Variants in BLTP1 observed in about 807,000 individuals in gnomAD.
The protein encoded by BLTP1 is fragile site-associated protein.
chr4:122,195,714 C>A, the BLTP1 span: 1 of 761,180 alleles, frequency 1.3e-6, no homozygotes, highest in African/African-American at 1.9e-5. Flanking sequence ...CCTTAATATT[C>A]TTAATTTTCT....
chr4:122,155,997 A>G, the BLTP1 span: 1 of 971,970 alleles, frequency 1.0e-6, no homozygotes, highest in African/African-American at 1.8e-5. Context: ...AATGTTTAAT[A>G]AATACTTTTG....
At chr4:122,243,826 T>C in the BLTP1 span, 75 of 1,450,134 alleles carry the variant, frequency 5.2e-5, no homozygotes, top group African/African-American at 1.0e-3. Context: ...GTCTTTTTAA[T>C]ATACAATTTG....
chr4:122,310,752 C>T, the BLTP1 span: 269 of 157,344 alleles, frequency 1.7e-3, 1 homozygote, highest in African/African-American at 6.0e-3. Flanking sequence ...GTTTAAAATA[C>T]CTTCCATATG....
At chr4:122,242,111 A>G in the BLTP1 span, among the ~76,000 whole-genome samples, 1 of 152,158 alleles carries the variant, frequency 6.6e-6, no homozygotes, top group Non-Finnish European at 1.5e-5. Context: ...TGATCCAGCA[A>G]TCCCACTACT....
chr4:122,207,358 T>C, the BLTP1 span: 14 of 1,377,972 alleles, frequency 1.0e-5, no homozygotes, highest in Middle Eastern at 2.6e-4. Context: ...TTTTAACAGA[T>C]ACTAGAAGTT....
chr4:122,271,637 A>G, the BLTP1 span: 2 of 1,612,156 alleles, frequency 1.2e-6, no homozygotes, highest in East Asian at 2.2e-5. Flanking sequence ...GTGCTGGCAG[A>G]ATATGTATAA....
chr4:122,227,002 T>C, the BLTP1 span: 4 of 584,692 alleles, frequency 6.8e-6, no homozygotes, highest in African/African-American at 7.8e-5. Context: ...GTTTTAAGTA[T>C]CTAAAATATG....
the BLTP1 span, chr4:122,347,389 C>T: frequency 5.3e-6 from 7 of 1,324,996 alleles, no homozygotes; most frequent in South Asian, 3.1e-5. Flanking sequence ...AATTGCTGTA[C>T]AGCTGCTAAA....
chr4:122,308,120 AT>A, the BLTP1 span: 4 of 1,613,458 alleles, frequency 2.5e-6, no homozygotes, highest in Non-Finnish European at 2.5e-6. Context: ...CTCACTGTCA[AT>A]GATCTGGGAA....
At chr4:122,187,780 G>A in the BLTP1 span, 3 of 1,201,094 alleles carry the variant, frequency 2.5e-6, no homozygotes, top group Non-Finnish European at 3.4e-6. Flanking sequence ...TAGTCCTAAA[G>A]TGGAATCATT....
At chr4:122,324,292 A>T in the BLTP1 span, 1 of 834,888 alleles carries the variant, frequency 1.2e-6, no homozygotes, top group Non-Finnish European at 1.7e-6. Flanking sequence ...CTCTATTTTG[A>T]CTCATATTGT....
the BLTP1 span, chr4:122,219,146 C>G: frequency 2.3e-5 from 23 of 984,838 alleles, no homozygotes; most frequent in East Asian, 2.5e-3. Flanking sequence ...TTTTTTGCTA[C>G]TGAATATTTG....
chr4:122,210,822 C>T, the BLTP1 span: 7 of 1,561,462 alleles, frequency 4.5e-6, no homozygotes, highest in African/African-American at 9.7e-5. Context: ...CCTTGAAGAT[C>T]TTCCAAGAAG....
chr4:122,202,935 G>A, the BLTP1 span, among the ~76,000 whole-genome samples: 1 of 151,658 alleles, frequency 6.6e-6, no homozygotes, highest in Admixed American at 6.6e-5. Flanking sequence ...TAAAAACATA[G>A]ATACAAAAGT....
At chr4:122,259,629 A>T in the BLTP1 span, among the ~76,000 whole-genome samples, 6 of 152,182 alleles carry the variant, frequency 3.9e-5, no homozygotes, top group African/African-American at 1.4e-4. Context: ...TGGGAGGCCA[A>T]GGCGGGTGGA....
the BLTP1 span, among the ~76,000 whole-genome samples, chr4:122,236,615 T>G: frequency 5.3e-5 from 8 of 152,328 alleles, no homozygotes; most frequent in South Asian, 1.2e-3. Flanking sequence ...TGTTGTTCTC[T>G]CTAATGTTCT....
chr4:122,350,054 A>G, the BLTP1 span: 1 of 1,613,756 alleles, frequency 6.2e-7, no homozygotes, highest in Non-Finnish European at 8.5e-7. Context: ...AGCAACCTAG[A>G]AAAAAGTTCA....
At chr4:122,264,459 A>G in the BLTP1 span, 1 of 1,552,634 alleles carries the variant, frequency 6.4e-7, no homozygotes, top group Non-Finnish European at 8.7e-7. Context: ...TAATTATAAT[A>G]ATACCTCCTT....
chr4:122,258,411 A>G, the BLTP1 span, among the ~76,000 whole-genome samples: 1 of 152,168 alleles, frequency 6.6e-6, no homozygotes, highest in Non-Finnish European at 1.5e-5. Context: ...ATCCCTTCCA[A>G]TTATCTGCAA....
Sources: gnomAD v4.1 joint callset for allele counts (sites outside exome capture counted in the v4.1 genomes callset) on GRCh38, gnomAD v4.1.1 for gene constraint, MANE v1.5 for transcripts, NCBI Gene and HGNC (gene_info 2026-07-23, HGNC 2026-07-21) for gene names.